The following WDR7 variants were observed in gnomAD, a reference collection of about 807,000 sequenced individuals.
The protein encoded by WDR7 is WD repeat-containing protein 7.
Under a neutral mutation model 169.4 loss-of-function variants are expected in WDR7, and 46 were observed. The ratio of observed to expected loss-of-function variants is 0.27; its 90% confidence interval spans 0.21 to 0.35. The LOEUF is 0.35. Among genes scored for constraint, WDR7 ranks in the 10% least tolerant of loss-of-function variants. WDR7 has a pLI of 1.00. For missense variants in WDR7, 1,534 were observed against 1,859.3 expected (o/e 0.83, Z 3.22); for synonymous variants, 612 against 666.8 (o/e 0.92, Z 1.27).
intron 14 of WDR7, among the ~76,000 whole-genome samples, chr18:56,744,425 C>T (rs1364850404): frequency 6.6e-6 from 1 of 151,848 alleles, no homozygotes; most frequent in African/African-American, 2.4e-5. Context: ...AGTAGGGGAC[C>T]TGATGAGAGT....
chr18:56,890,794 T>A (rs567977315), intron 21 of WDR7: 2 of 152,368 alleles, frequency 1.3e-5, no homozygotes, highest in African/African-American at 4.8e-5. Context: ...CAGCGTCCCA[T>A]GTTCCTTACC....
chr18:56,723,908 T>A (rs1407038835), intron 13 of WDR7, among the ~76,000 whole-genome samples: 1 of 152,010 alleles, frequency 6.6e-6, no homozygotes, highest in East Asian at 1.9e-4. Flanking sequence ...TTATATAATT[T>A]CTATTGCTAT....
chr18:56,951,105 C>G (rs1027216371), intron 25 of WDR7, among the ~76,000 whole-genome samples: 1 of 152,208 alleles, frequency 6.6e-6, no homozygotes, highest in Non-Finnish European at 1.5e-5. Flanking sequence ...TCTCACCGTT[C>G]AGGTCAACCT....
chr18:56,799,380 C>G (rs1041828705), intron 19 of WDR7, among the ~76,000 whole-genome samples: 2 of 151,908 alleles, frequency 1.3e-5, no homozygotes, highest in African/African-American at 4.8e-5. Context: ...TTAAGTATTA[C>G]TTGAGGTCAC....
chr18:56,712,974 G>A (rs1286188433), intron 12 of WDR7, among the ~76,000 whole-genome samples: 2 of 152,188 alleles, frequency 1.3e-5, no homozygotes, highest in Non-Finnish European at 1.5e-5. Context: ...GCAAGAGTGG[G>A]TGAGCCTCAA....
At chr18:56,971,075 C>T (rs1379078365) in intron 26 of WDR7, among the ~76,000 whole-genome samples, 3 of 152,072 alleles carry the variant, frequency 2.0e-5, no homozygotes. Context: ...AGTTCGAGAC[C>T]AGCCTGGCCA....
chr18:56,951,489 G>A (rs1366786193), intron 25 of WDR7, among the ~76,000 whole-genome samples: 1 of 152,022 alleles, frequency 6.6e-6, no homozygotes, highest in Non-Finnish European at 1.5e-5. Context: ...TCGATTCTAA[G>A]GTTATCTTAC....
intron 26 of WDR7, among the ~76,000 whole-genome samples, chr18:57,001,047 AAG>A (rs10536689): frequency 0.015 from 1,977 of 129,340 alleles, 14 homozygotes; most frequent in Middle Eastern, 0.027. Flanking sequence ...ATCTCTACAA[AAG>A]AGAGAGAGAG....
intron 14 of WDR7, among the ~76,000 whole-genome samples, chr18:56,732,638 T>C (rs1055427136): frequency 3.3e-5 from 5 of 152,206 alleles, no homozygotes; most frequent in Admixed American, 6.5e-5. Context: ...TATAAATGTT[T>C]TATCAGCTAT....
intron 20 of WDR7, among the ~76,000 whole-genome samples, chr18:56,860,553 A>G (rs1283113377): frequency 2.0e-5 from 3 of 152,156 alleles, no homozygotes; most frequent in Non-Finnish European, 2.9e-5. Flanking sequence ...ACCAGATCTC[A>G]TGCAATTGAA....
At position 56,851,433 on chromosome 18, in the gene WDR7, C is replaced by T. The variant is rs543129363; in HGVS notation, c.3305-28511C>T. Among the ~76,000 whole-genome samples, 4 of 152,332 alleles carry T rather than the reference C, an allele frequency of 2.6e-5. No individual in the cohort carries two copies. In the East Asian group the frequency reaches 5.8e-4, roughly 22 times the overall value. On this transcript the variant is annotated intron_variant, in intron 20 of 27. Coordinates refer to ENST00000254442, the MANE Select transcript of WDR7 (RefSeq NM_015285.3). ...TTTTCCTGTCCCTAGAGCACGCTCTCGGCTAGACTGGCTGTCACTGGTATT... is the reference window on the plus strand; with the variant it reads ...TTTTCCTGTCCCTAGAGCACGCTCTTGGCTAGACTGGCTGTCACTGGTATT...
chr18:56,665,292 T>TC (rs1555674532), intron 1 of WDR7, among the ~76,000 whole-genome samples: 1 of 139,602 alleles, frequency 7.2e-6, no homozygotes, highest in Admixed American at 7.2e-5. Flanking sequence ...AAACTCCATC[T>TC]AAAAAAAAAA....
At chr18:56,855,725 C>G (rs1241895979) in intron 20 of WDR7, among the ~76,000 whole-genome samples, 2 of 152,104 alleles carry the variant, frequency 1.3e-5, no homozygotes, top group Non-Finnish European at 2.9e-5. Flanking sequence ...GTCTTTATAT[C>G]CAGTTGGGCA....
intron 21 of WDR7, among the ~76,000 whole-genome samples, chr18:56,892,112 G>A (rs1033644032): frequency 2.0e-5 from 3 of 151,932 alleles, no homozygotes; most frequent in Non-Finnish European, 2.9e-5. Context: ...ACCATTTTTT[G>A]TTAAGCCACT....
intron 19 of WDR7, among the ~76,000 whole-genome samples, chr18:56,791,861 G>T (rs566091080): frequency 6.6e-6 from 1 of 152,118 alleles, no homozygotes; most frequent in Admixed American, 6.5e-5. Flanking sequence ...GTTCTCAAAA[G>T]GAAAGTGAGA....
chr18:56,822,883 G>C (rs1189893271), intron 20 of WDR7, among the ~76,000 whole-genome samples: 1 of 152,018 alleles, frequency 6.6e-6, no homozygotes, highest in East Asian at 1.9e-4. Context: ...TTTTCTGAGT[G>C]AACTATGTCA....
intron 20 of WDR7, among the ~76,000 whole-genome samples, chr18:56,823,110 C>T (rs895666095): frequency 6.6e-6 from 1 of 152,228 alleles, no homozygotes; most frequent in South Asian, 2.1e-4. Context: ...GATACACTTT[C>T]TTTTCTCGTA....
intron 26 of WDR7, among the ~76,000 whole-genome samples, chr18:56,964,729 A>G (rs926832483): frequency 6.6e-6 from 1 of 151,984 alleles, no homozygotes; most frequent in Non-Finnish European, 1.5e-5. Context: ...TTCCTACCTC[A>G]TCTTCTTGAT....
rs189021871 is a variant in WDR7, at chr18:56,856,495, C to T, written c.3305-23449C>T. On this transcript the variant is annotated intron_variant, in intron 20 of 27. Coordinates refer to ENST00000254442, the MANE Select transcript of WDR7 (RefSeq NM_015285.3). The stretch of plus-strand genomic sequence containing the variant: ...GTTGCAGTGAGCTGAGATTGCGCCA[C>T]TGCACTCCAGCCTAGGTGACAGAGC... Among the ~76,000 whole-genome samples the T allele has an allele frequency of 5.6e-3, 845 of 152,154 alleles. 11 individuals are homozygous for T. The highest frequency in any genetic ancestry group is 0.019 in the African/African-American group (802 of 41,510).
Sources: gnomAD v4.1 joint callset for allele counts (sites outside exome capture counted in the v4.1 genomes callset) on GRCh38, gnomAD v4.1.1 for gene constraint, MANE v1.5 for transcripts, NCBI Gene and HGNC (gene_info 2026-07-23, HGNC 2026-07-21) for gene names.